The following AJAP1 variants were observed in gnomAD, a reference collection of about 807,000 sequenced individuals.
AJAP1 encodes adherens junction-associated protein 1.
A neutral mutation model predicts 35.0 loss-of-function variants in AJAP1; 5 were observed. The ratio of observed to expected loss-of-function variants is 0.14; its 90% CI spans 0.07 to 0.30. AJAP1 has a LOEUF of 0.30. AJAP1 is among the 10% of genes least tolerant of loss of function. AJAP1 has a pLI of 1.00. For synonymous variants in AJAP1, 284 were observed against 249.3 expected (o/e 1.14, Z -1.31); for missense variants, 586 against 571.0 (o/e 1.03, Z -0.27).
intron 1 of AJAP1, among the ~76,000 whole-genome samples, chr1:4,699,822 A>G (rs1639947258): frequency 6.6e-6 from 1 of 152,176 alleles, no homozygotes; most frequent in African/African-American, 2.4e-5. Flanking sequence ...GCAAGAGGAG[A>G]GTCAATGCCA....
chr1:4,724,383 A>G (rs2100287963), intron 2 of AJAP1, among the ~76,000 whole-genome samples: 1 of 152,178 alleles, frequency 6.6e-6, no homozygotes, highest in Non-Finnish European at 1.5e-5. Flanking sequence ...GGACATCCTC[A>G]TCTGCTCACA....
At chr1:4,703,886 T>G (rs1412577719) in intron 1 of AJAP1, among the ~76,000 whole-genome samples, 1 of 152,200 alleles carries the variant, frequency 6.6e-6, no homozygotes, top group African/African-American at 2.4e-5. Context: ...GGCTCCCCAC[T>G]GCCTCCCCGA....
intron 2 of AJAP1, among the ~76,000 whole-genome samples, chr1:4,761,323 C>T (rs1431683650): frequency 6.6e-6 from 1 of 152,220 alleles, no homozygotes; most frequent in Non-Finnish European, 1.5e-5. Context: ...CTAGCAAAGA[C>T]TTGTCCCCTG....
chr1:4,673,733 G>A (rs12409187), intron 1 of AJAP1, among the ~76,000 whole-genome samples: 12,402 of 152,150 alleles, frequency 0.082, 687 homozygotes, highest in East Asian at 0.21. Flanking sequence ...AGATGAGGGC[G>A]AGTCCTGGCT....
intron 1 of AJAP1, among the ~76,000 whole-genome samples, chr1:4,694,193 C>T (rs1424093114): frequency 7.6e-6 from 1 of 131,078 alleles, no homozygotes; most frequent in East Asian, 2.3e-4. Context: ...TCTGCACCCA[C>T]TTCATGCCCT....
intron 2 of AJAP1, among the ~76,000 whole-genome samples, chr1:4,740,344 G>C (rs914829545): frequency 7.7e-4 from 1 of 1,296 alleles, no homozygotes; most frequent in African/African-American, 2.5e-3. Flanking sequence ...TCAAATGGTG[G>C]GTGCCAGGGC....
intron 1 of AJAP1, among the ~76,000 whole-genome samples, chr1:4,697,638 G>A (rs1396041129): frequency 6.6e-6 from 1 of 152,232 alleles, no homozygotes; most frequent in Non-Finnish European, 1.5e-5. Flanking sequence ...GCACCTACTA[G>A]CTAGTGACCT....
At chr1:4,713,927 G>A (rs1282657275) in intron 2 of AJAP1, among the ~76,000 whole-genome samples, 1 of 152,198 alleles carries the variant, frequency 6.6e-6, no homozygotes, top group East Asian at 1.9e-4. Context: ...TCATGTGCAG[G>A]CGGCCGGCAT....
chr1:4,711,832 G>A, intron 1 of AJAP1, 68 bp from the exon 2 acceptor site: 2 of 1,279,030 alleles, frequency 1.6e-6, no homozygotes, highest in South Asian at 1.7e-5. Flanking sequence ...GGAGAGAGAG[G>A]GCCCCGGGGC....
chr1:4,766,569 T>G (rs75685463), intron 2 of AJAP1, among the ~76,000 whole-genome samples: 4,245 of 152,332 alleles, frequency 0.028, 93 homozygotes, highest in Middle Eastern at 0.068. Context: ...CCAACCATCA[T>G]GAGGGTCTGT....
At chr1:4,753,164 G>T (rs1331856603) in intron 2 of AJAP1, among the ~76,000 whole-genome samples, 1 of 152,202 alleles carries the variant, frequency 6.6e-6, no homozygotes, top group African/African-American at 2.4e-5. Flanking sequence ...GTTCTTTTCA[G>T]CTAAATCTTT....
chr1:4,739,252 A>G (rs933935558), intron 2 of AJAP1, among the ~76,000 whole-genome samples: 1 of 152,202 alleles, frequency 6.6e-6, no homozygotes, highest in African/African-American at 2.4e-5. Context: ...TTTGCTCACA[A>G]TGCTGCAAAC....
At position 4,728,001 on chromosome 1, in the gene AJAP1, C is replaced by T. The variant is rs116395681; in HGVS notation, c.829+15302C>T. ...CCTCTGAACAGCAGGGCCCTGGTCG[C>T]CTCCGTTCCCTGTGGGACCTTGAGC... On this transcript the variant is annotated intron_variant, in intron 2 of 5. Transcript: ENST00000378191. Among the ~76,000 whole-genome samples, 286 of 152,316 alleles carry T rather than the reference C, an allele frequency of 1.9e-3. 1 individual carries two copies. Among genetic ancestry groups the T allele is most frequent in the African/African-American group, 6.6e-3 (275 of 41,568 alleles).
At chr1:4,698,126 G>A (rs752393595) in intron 1 of AJAP1, among the ~76,000 whole-genome samples, 8 of 152,200 alleles carry the variant, frequency 5.3e-5, no homozygotes, top group Admixed American at 2.6e-4. Context: ...CACGGCCTCC[G>A]TTGAGTGATT....
Position 4,656,954 on chromosome 1 carries a change from G to A in AJAP1, c.29+1500G>A, listed in dbSNP as rs913339653. Among the ~76,000 whole-genome samples the A allele has an allele frequency of 6.6e-6, 1 of 152,158 alleles. No individual in the cohort carries two copies. Among genetic ancestry groups the A allele is most frequent in the Non-Finnish European group, 1.5e-5 (1 of 68,034 alleles). On this transcript the variant is annotated intron_variant, in intron 1 of 5. Transcript: ENST00000378191. This position sits in a 1 kb window ranked among gnomAD's most constrained non-coding sequence, Gnocchi z 5.7. ...CTGGAGGCCTGCCATCCCCTGCTCT[G>A]CCCCGGACTGTCCCAGGTCTCAGCA...
At chr1:4,736,553 A>G (rs1397449174) in intron 2 of AJAP1, among the ~76,000 whole-genome samples, 1 of 152,116 alleles carries the variant, frequency 6.6e-6, no homozygotes, top group Non-Finnish European at 1.5e-5. Context: ...ATTTATATGT[A>G]TAAATAACTG....
chr1:4,675,744 A>G (rs1186529435), intron 1 of AJAP1, among the ~76,000 whole-genome samples: 1 of 152,234 alleles, frequency 6.6e-6, no homozygotes, highest in Non-Finnish European at 1.5e-5. Context: ...AAAGTTCTTT[A>G]CTAAACAATC....
rs567232193 is a variant in AJAP1 at position 4,700,511 on chromosome 1, C to G, written c.30-11389C>G. On this transcript the variant is annotated intron_variant, in intron 1 of 5. Transcript: ENST00000378191. ...CACAATAGACCTTGCCCTCCCAGAG[C>G]TCTTCTGAGCCACTTCCCTTTGAGC... Among the ~76,000 whole-genome samples, 3 of 152,316 alleles carry G rather than the reference C, an allele frequency of 2.0e-5. No individual in the cohort carries two copies. In the South Asian group the frequency reaches 6.2e-4, roughly 32 times the overall value.
intron 1 of AJAP1, among the ~76,000 whole-genome samples, chr1:4,658,054 C>A (rs981148929): frequency 3.9e-5 from 6 of 152,064 alleles, no homozygotes; most frequent in Non-Finnish European, 7.4e-5. Flanking sequence ...GGAGGGGGCG[C>A]GTACTCAGCA....
Sources: allele counts gnomAD v4.1 joint callset (sites outside exome capture counted in the v4.1 genomes callset), GRCh38; gene constraint gnomAD v4.1.1; non-coding constraint Gnocchi (gnomAD v3.1); transcripts MANE v1.5; gene names NCBI Gene and HGNC (gene_info 2026-07-23, HGNC 2026-07-21).